The following ZNF429 variants were observed in gnomAD, a reference collection of about 807,000 sequenced individuals.
ZNF429 encodes the protein zinc finger protein 429.
ZNF429 carries 53 observed loss-of-function variants against 56.8 expected under a neutral mutation model. The observed-to-expected ratio is 0.93, with a 90% CI of 0.75 to 1.17. The LOEUF (loss-of-function observed/expected upper bound fraction) is 1.17, where lower values mean the gene tolerates loss of function less well. ZNF429 is among the 50% of genes most tolerant of loss of function. The probability of loss-of-function intolerance (pLI) is 0.00; values close to 1 mark genes in which losing one functional copy is unlikely to be tolerated. For missense variants in ZNF429, 849 were observed against 788.4 expected, an observed-to-expected ratio of 1.08 and a Z score of -0.92; for synonymous variants, 278 against 264.7, an observed-to-expected ratio of 1.05 and a Z score of -0.49.
chr19:21,513,476 G>A (rs2032597547), intron 1 of ZNF429, among the ~76,000 whole-genome samples: 1 of 152,152 alleles, frequency 6.6e-6, no homozygotes, highest in South Asian at 2.1e-4. Context: ...ATGGGCCCAT[G>A]GGGTTTGTGA....
intron 3 of ZNF429, among the ~76,000 whole-genome samples, chr19:21,534,992 CT>C: frequency 0.77 from 97,505 of 125,914 alleles, 38,432 homozygotes; most frequent in African/African-American, 0.9. Flanking sequence ...TGTGTTTTTT[CT>C]TTTTTTTTTT....
At chr19:21,517,050 C>T (rs369882019) in intron 1 of ZNF429, among the ~76,000 whole-genome samples, 11 of 152,310 alleles carry the variant, frequency 7.2e-5, no homozygotes, top group African/African-American at 2.6e-4. Context: ...TTCCAGCTTG[C>T]GTCCATTCAG....
intron 3 of ZNF429, among the ~76,000 whole-genome samples, chr19:21,530,976 C>T: frequency 6.6e-6 from 1 of 151,718 alleles, no homozygotes; most frequent in Non-Finnish European, 1.5e-5. Flanking sequence ...CATGGTGTCA[C>T]ATGCCTGCAA....
In ZNF429 at chr19:21,537,225, A is replaced by G. The variant is rs776693692; in HGVS notation, c.1172A>G (p.His391Arg). 1.2e-6 allele frequency: 2 copies of G among 1,613,994 alleles called. No individual in the cohort carries two copies. Among genetic ancestry groups the G allele is most frequent in the South Asian group, 2.2e-5 (2 of 91,074 alleles). ...SSRLTRHKKI[H>R]TGEEPYKFEK... ...AGACTTACTCGACATAAAAAAATTC[A>G]TACTGGAGAGGAACCCTACAAATTT... Residue 391 changes from histidine to arginine, a missense_variant, in exon 4 of 4, where the codon CAT (histidine) becomes CGT (arginine). Coordinates refer to ENST00000358491, the MANE Select transcript of ZNF429 (RefSeq NM_001001415.4).
chr19:21,517,371 T>C (rs565416829), intron 1 of ZNF429, among the ~76,000 whole-genome samples: 1 of 148,020 alleles, frequency 6.8e-6, no homozygotes, highest in East Asian at 2.0e-4. Context: ...TGCATCAGTG[T>C]TCATGAAGAA....
chr19:21,535,340 TTTCCTTTCCTTTCTTTTC>T lies in ZNF429; in HGVS notation c.227-936_227-919del. On this transcript the variant is annotated intron_variant, in intron 3 of 3. Coordinates refer to ENST00000358491, the MANE Select transcript of ZNF429 (RefSeq NM_001001415.4). ...CTTTCTTTCTTTCTCTTTTCTTTTC[TTTCCTTTCCTTTCTTTTC>T]TTCTTTCTTTCTTTCTTTCTTTTTT... Among the ~76,000 whole-genome samples, 594 of 133,908 alleles carry T rather than the reference TTTCCTTTCCTTTCTTTTC, an allele frequency of 4.4e-3. 53 individuals are homozygous for T. Among genetic ancestry groups the T allele is most frequent in the Middle Eastern group, 0.012 (3 of 246 alleles). 87.8% of individuals were successfully genotyped at this position (133,908 alleles called of 152,430 possible).
chr19:21,506,009 G>A, intron 1 of ZNF429: 1 of 399,936 alleles, frequency 2.5e-6, no homozygotes, highest in Non-Finnish European at 4.8e-6. Context: ...GTGTAGCCCT[G>A]TCTGGGGAGC....
In ZNF429 at chr19:21,538,491, T is replaced by G. The variant is rs965671718; in HGVS notation, c.*413T>G. The G allele has an allele frequency of 2.0e-5, 3 of 153,514 alleles. No individual in the cohort carries two copies. Among genetic ancestry groups the G allele is most frequent in the African/African-American group, 7.3e-5 (3 of 41,254 alleles). 9.5% of individuals were successfully genotyped at this position (153,514 alleles called of 1,614,324 possible). A position where few individuals can be genotyped will look rare whatever the true frequency, so the allele number is the denominator to read the frequency against. ...GGCACATGCCTGTAGTCCTAGCTAC[T>G]TGGGAGGCTGAGGCAGGAGAATTGC... On this transcript the variant is annotated 3_prime_UTR_variant, in exon 4 of 4. Transcript: ENST00000358491.
intron 3 of ZNF429, among the ~76,000 whole-genome samples, chr19:21,532,528 A>T: frequency 6.6e-6 from 1 of 152,168 alleles, no homozygotes; most frequent in Non-Finnish European, 1.5e-5. Flanking sequence ...AATTAGGCAG[A>T]TACTTGTTTG....
Position 21,537,207 on chromosome 19 carries a change from C to G in ZNF429, c.1154C>G (p.Thr385Ser), listed in dbSNP as rs1353120065. Residue 385 changes from threonine (T) to serine (S), a missense_variant, in exon 4 of 4, where the codon ACT (threonine) becomes AGT (serine). By Grantham distance (58) the Thr-to-Ser change is moderately conservative. Coordinates refer to ENST00000358491, the MANE Select transcript of ZNF429 (RefSeq NM_001001415.4). ...GKAFNQSSRL[T>S]RHKKIHTGEE... is the part of the protein sequence containing the mutation. ...GCTTTTAACCAGTCTTCAAGACTTA[C>G]TCGACATAAAAAAATTCATACTGGA... 6.2e-7 allele frequency: 1 copy of G among 1,613,070 alleles called. No individual in the cohort carries two copies. The highest frequency in any genetic ancestry group is 8.5e-7 in the Non-Finnish European group (1 of 1,179,726).
chr19:21,506,032 A>G (rs2032127543), intron 1 of ZNF429: 2 of 344,646 alleles, frequency 5.8e-6, no homozygotes, highest in South Asian at 6.1e-5. Flanking sequence ...TGCACGCGCA[A>G]TTCCGCAGTC....
chr19:21,516,886 A>C (rs1222618287), intron 1 of ZNF429, among the ~76,000 whole-genome samples: 1 of 152,114 alleles, frequency 6.6e-6, no homozygotes, highest in African/African-American at 2.4e-5. Context: ...TGTCATCTGC[A>C]AACAGGGTTA....
intron 1 of ZNF429, among the ~76,000 whole-genome samples, chr19:21,516,386 C>A (rs1026288917): frequency 6.6e-6 from 1 of 152,082 alleles, no homozygotes; most frequent in African/African-American, 2.4e-5. Flanking sequence ...CATGCCCAGC[C>A]GCTTTGTTCT....
chr19:21,538,187 G>C lies in ZNF429; in HGVS notation c.*109G>C, dbSNP rs1182857185. ...CCACCTACTCGGGAGGCTGAGGCAG[G>C]AGAATGGCCTGAACCCGGAGGTGGA... On this transcript the variant is annotated 3_prime_UTR_variant, in exon 4 of 4. Transcript: ENST00000358491. 6.5e-6 allele frequency: 3 copies of C among 460,964 alleles called. No individual in the cohort carries two copies. Among genetic ancestry groups the C allele is most frequent in the Non-Finnish European group, 1.1e-5 (3 of 267,484 alleles). The allele number at this position is 460,964 out of a possible 1,614,324, so 28.6% of individuals were successfully genotyped here.
intron 3 of ZNF429, among the ~76,000 whole-genome samples, chr19:21,535,061 T>A: frequency 6.7e-6 from 1 of 150,268 alleles, no homozygotes; most frequent in Admixed American, 6.6e-5. Context: ...TCTCCTGACC[T>A]TGTGATCCGC....
At chr19:21,526,070 C>G (rs1422750320) in intron 1 of ZNF429, among the ~76,000 whole-genome samples, 2 of 130,752 alleles carry the variant, frequency 1.5e-5, no homozygotes, top group Non-Finnish European at 3.4e-5. Context: ...AATGCAGACT[C>G]ATTCAGACAT....
chr19:21,511,391 C>T (rs1266057903), intron 1 of ZNF429, among the ~76,000 whole-genome samples: 101 of 152,044 alleles, frequency 6.6e-4, no homozygotes, highest in Non-Finnish European at 1.2e-3. Flanking sequence ...CTCCTCACCT[C>T]CCAGACAGGG....
rs2033818508 is a variant in ZNF429, at chr19:21,538,699, CTTAT to C, written c.*623_*626del. 6.6e-6 allele frequency: 1 copy of C among 152,170 alleles called. No homozygotes were observed. The highest frequency in any genetic ancestry group is 2.4e-5 in the African/African-American group (1 of 41,444). The allele number at this position is 152,170 out of a possible 1,614,324, so 9.4% of individuals were successfully genotyped here. The stretch of plus-strand genomic sequence containing the variant: ...AACTCGTTTTAACTAATGCTCACAT[CTTAT>C]TGCATAGAAAAGCATTTATACCTGA... On this transcript the variant is annotated 3_prime_UTR_variant, in exon 4 of 4. Coordinates refer to ENST00000358491, the MANE Select transcript of ZNF429 (RefSeq NM_001001415.4).
chr19:21,522,435 CTT>C (rs1177167800), intron 1 of ZNF429, among the ~76,000 whole-genome samples: 1 of 152,210 alleles, frequency 6.6e-6, no homozygotes, highest in African/African-American at 2.4e-5. Flanking sequence ...TATAAAAACT[CTT>C]TTGTTCTATC....
Sources: allele counts gnomAD v4.1 joint callset (sites outside exome capture counted in the v4.1 genomes callset), GRCh38; gene constraint gnomAD v4.1.1; transcripts MANE v1.5; gene names NCBI Gene and HGNC (gene_info 2026-07-23, HGNC 2026-07-21).